The following ASTN2 variants were observed in gnomAD, a reference collection of about 807,000 sequenced individuals.
ASTN2 encodes the protein astrotactin 2, also known as astrotactin-2.
ASTN2 carries 54 observed loss-of-function variants against 139.8 expected under a neutral mutation model. That is an observed-to-expected ratio of 0.39 (90% CI 0.31 to 0.48). ASTN2 has a LOEUF of 0.48. Among genes scored for constraint, ASTN2 ranks in the 20% least tolerant of loss-of-function variants. The pLI is 0.95. For missense variants in ASTN2, 1,565 were observed against 1,725.1 expected (o/e 0.91, Z 1.64); for synonymous variants, 756 against 719.5 (o/e 1.05, Z -0.81).
rs1447597294 is a variant in ASTN2 at position 116,442,542 on chromosome 9, T to G, written c.3509A>C (p.Tyr1170Ser). Residue 1170 changes from tyrosine to serine, a missense_variant, in exon 21 of 23, where the codon TAT becomes TCT. Tyr to Ser is a moderately radical substitution (Grantham distance 144). Coordinates refer to ENST00000313400, the MANE Select transcript of ASTN2 (RefSeq NM_001365068.1). Reference protein sequence around the residue: ...EPDGLYKFTLYAVDTRGRHSE... With the variant: ...EPDGLYKFTLSAVDTRGRHSE... ...GTGCCTCCCTCGTGTATCCACAGCA[T>G]ACAGAGTGAACCTGCAGCACAGCAA... The G allele has an allele frequency of 6.2e-7, 1 of 1,614,040 alleles. No individual in the cohort carries two copies. The highest frequency in any genetic ancestry group is 2.2e-5 in the East Asian group (1 of 44,870).
chr9:116,919,179 G>C (rs1028982526), intron 10 of ASTN2, among the ~76,000 whole-genome samples: 1 of 152,180 alleles, frequency 6.6e-6, no homozygotes, highest in African/African-American at 2.4e-5. Flanking sequence ...ATCATGTGAG[G>C]ATCAGTTCCC....
rs548514617 is a variant in ASTN2, at chr9:116,597,454, G to A, written c.3355+20870C>T. On this transcript the variant is annotated intron_variant, in intron 19 of 22. Coordinates refer to ENST00000313400, the MANE Select transcript of ASTN2 (RefSeq NM_001365068.1). ...TCCCAAGTAGCGGGCCACCATGCCC[G>A]GCTAATTTTTTGTATTTAGTAGAGA... is the stretch of plus-strand genomic sequence containing the variant. Among the ~76,000 whole-genome samples, 75 of 151,616 alleles carry A rather than the reference G, an allele frequency of 4.9e-4. No individual in the cohort carries two copies. The South Asian group carries it at 8.4e-3, about 17-fold the overall frequency.
intron 20 of ASTN2, among the ~76,000 whole-genome samples, chr9:116,466,664 C>T (rs780609109): frequency 1.3e-5 from 2 of 152,110 alleles, no homozygotes; most frequent in Admixed American, 6.6e-5. Context: ...GATATGGACC[C>T]GGCTTTGTGC....
At chr9:117,087,656 A>C (rs764458458) in intron 5 of ASTN2, among the ~76,000 whole-genome samples, 3 of 152,182 alleles carry the variant, frequency 2.0e-5, no homozygotes, top group Non-Finnish European at 4.4e-5. Flanking sequence ...TGGTGGATGC[A>C]CTCGGCTAAG....
At chr9:116,972,157 T>C (rs1836225990) in intron 10 of ASTN2, among the ~76,000 whole-genome samples, 1 of 152,150 alleles carries the variant, frequency 6.6e-6, no homozygotes, top group Non-Finnish European at 1.5e-5. Context: ...CCAGAAGTAA[T>C]CTCTATCCTT....
At chr9:117,103,497 G>A (rs1195171943) in intron 4 of ASTN2, among the ~76,000 whole-genome samples, 1 of 152,138 alleles carries the variant, frequency 6.6e-6, no homozygotes, top group Admixed American at 6.6e-5. Flanking sequence ...GGAGCAAGAT[G>A]ATACAAGGTC....
rs374931461 is a variant in ASTN2 at position 117,073,697 on chromosome 9, C to T, written c.1276+22347G>A. 3.3e-5 allele frequency among the ~76,000 whole-genome samples: 5 copies of T among 152,130 alleles called. No homozygotes were observed. The East Asian group carries it at 9.6e-4, about 29-fold the overall frequency. ...AAACCACTCCTTCTCTCAGGAGTGA[C>T]AAATTATGTCGACAACCACTGGGGG... On this transcript the variant is annotated intron_variant, in intron 5 of 22. Coordinates refer to ENST00000313400, the MANE Select transcript of ASTN2 (RefSeq NM_001365068.1).
intron 5 of ASTN2, among the ~76,000 whole-genome samples, chr9:117,083,491 C>G (rs900205633): frequency 1.3e-5 from 2 of 152,208 alleles, no homozygotes; most frequent in Non-Finnish European, 2.9e-5. Context: ...GCATCTCACA[C>G]AGCTGGTGAC....
intron 6 of ASTN2, among the ~76,000 whole-genome samples, chr9:117,012,478 C>A (rs976979797): frequency 2.6e-5 from 4 of 152,132 alleles, no homozygotes; most frequent in African/African-American, 9.7e-5. Flanking sequence ...AAGAAATAGA[C>A]ATAGAGACTA....
At chr9:116,685,485 C>T (rs1332731984) in intron 16 of ASTN2, among the ~76,000 whole-genome samples, 1 of 152,138 alleles carries the variant, frequency 6.6e-6, no homozygotes, top group Non-Finnish European at 1.5e-5. Context: ...AGGTAAACTC[C>T]TCAGGTGGTT....
At chr9:116,517,163 G>A (rs976838601) in intron 19 of ASTN2, among the ~76,000 whole-genome samples, 1 of 152,174 alleles carries the variant, frequency 6.6e-6, no homozygotes, top group African/African-American at 2.4e-5. Flanking sequence ...GACCACAGCT[G>A]ACACACTCTT....
intron 17 of ASTN2, among the ~76,000 whole-genome samples, chr9:116,639,595 C>A (rs1018411701): frequency 1.3e-5 from 2 of 152,166 alleles, no homozygotes; most frequent in Non-Finnish European, 2.9e-5. Context: ...AGGGATGGAG[C>A]CTGCAGCTTG....
chr9:117,376,266 A>G (rs1293152132), intron 1 of ASTN2, among the ~76,000 whole-genome samples: 3 of 152,182 alleles, frequency 2.0e-5, no homozygotes, highest in Non-Finnish European at 4.4e-5. Context: ...TAAAGTGAGT[A>G]CTTTGGGACA....
At chr9:116,954,886 A>C (rs925572180) in intron 10 of ASTN2, among the ~76,000 whole-genome samples, 1 of 152,194 alleles carries the variant, frequency 6.6e-6, no homozygotes, top group Admixed American at 6.5e-5. Flanking sequence ...CCCAACCCAG[A>C]CCTACTGAAC....
At chr9:116,733,641 G>C in intron 13 of ASTN2, 118 bp from the exon 14 acceptor site, 1 of 1,328,020 alleles carries the variant, frequency 7.5e-7, no homozygotes. Flanking sequence ...TGACTTTGCT[G>C]TAATGCCTCT....
rs1828706538 is a variant in ASTN2 at position 116,729,000 on chromosome 9, A to T, written c.2618T>A (p.Leu873His). The T allele has an allele frequency of 6.3e-7, 1 of 1,583,674 alleles. No homozygotes were observed. Among genetic ancestry groups the T allele is most frequent in the African/African-American group, 1.3e-5 (1 of 74,460 alleles). The change falls in exon 15 of 23, where the codon CTC becomes CAC. Residue 873 changes from leucine to histidine, a missense_variant. Transcript: ENST00000313400. The part of the protein sequence containing the change: ...LYRVKLSTIT[L>H]AAGFTNVLKI... ...CAGGCAGTGGTCCTCACCTGCTGCG[A>T]GGGTGATGGTGCTGAGCTTCACACG...
In ASTN2 at chr9:117,191,007, T is replaced by TA. The variant is rs1203874571; in HGVS notation, c.1015+23350dup. ...GGTACTTAATTAAAGCTTGTTGAAT[T>TA]AATGAATGAAAAATAGATGAATAAA... On this transcript the variant is annotated intron_variant, in intron 3 of 22. Transcript: ENST00000313400. 3.9e-5 allele frequency among the ~76,000 whole-genome samples: 6 copies of TA among 152,244 alleles called. No homozygotes were observed. The South Asian group carries it at 6.2e-4, about 16-fold the overall frequency.
chr9:116,551,397 A>G (rs1160850580), intron 19 of ASTN2, among the ~76,000 whole-genome samples: 2 of 152,172 alleles, frequency 1.3e-5, no homozygotes, highest in Non-Finnish European at 2.9e-5. Flanking sequence ...GCCATCACCC[A>G]TAATTTCTTC....
At chr9:116,552,215 T>G (rs1266221519) in intron 19 of ASTN2, 1 of 152,096 alleles carries the variant, frequency 6.6e-6, no homozygotes, top group Non-Finnish European at 1.5e-5. Flanking sequence ...GAGTAAGGTG[T>G]TTTTTTAGTT....
Sources: allele counts gnomAD v4.1 joint callset (sites outside exome capture counted in the v4.1 genomes callset), GRCh38; gene constraint gnomAD v4.1.1; transcripts MANE v1.5; gene names NCBI Gene and HGNC (gene_info 2026-07-23, HGNC 2026-07-21).